GNG4: variants seen among roughly 807,000 people sequenced by gnomAD.
GNG4 encodes guanine nucleotide-binding protein G(I)/G(S)/G(O) subunit gamma-4.
Under a neutral mutation model 5.8 loss-of-function variants are expected in GNG4, and 4 were observed. The ratio of observed to expected loss-of-function variants is 0.69; its 90% CI spans 0.34 to 1.57. The LOEUF is 1.57. Ranked by LOEUF, GNG4 falls within the 40% of genes most tolerant of loss-of-function variation. The pLI is 0.06. For synonymous variants in GNG4, 29 were observed against 32.9 expected (o/e 0.88, Z 0.41); for missense variants, 96 against 95.1 (o/e 1.01, Z -0.04).
intron 1 of GNG4, among the ~76,000 whole-genome samples, chr1:235,631,305 T>G (rs1240122261): frequency 1.3e-5 from 2 of 152,230 alleles, no homozygotes; most frequent in Non-Finnish European, 2.9e-5. Context: ...CTGAACCTCT[T>G]GCAGTTTGGT....
At chr1:235,562,659 G>GAAAAAAAAAAAAAGAA (rs766199361) in intron 3 of GNG4, among the ~76,000 whole-genome samples, 1 of 51,304 alleles carries the variant, frequency 1.9e-5, no homozygotes, top group African/African-American at 7.7e-5. Flanking sequence ...AAAAAAAAAA[G>GAAAAAAAAAAAAAGAA]AAAAAAAAAA....
intron 1 of GNG4, among the ~76,000 whole-genome samples, chr1:235,628,747 C>T (rs746459608): frequency 1.8e-4 from 28 of 152,176 alleles, no homozygotes; most frequent in Non-Finnish European, 3.4e-4. Context: ...TCGCATCAGC[C>T]CTATTCACTT....
chr1:235,560,427 G>T (rs996891983), intron 3 of GNG4, among the ~76,000 whole-genome samples: 1 of 152,094 alleles, frequency 6.6e-6, no homozygotes, highest in African/African-American at 2.4e-5. Context: ...CTGCTGTGGG[G>T]TGACACTGCA....
intron 3 of GNG4, among the ~76,000 whole-genome samples, chr1:235,565,488 A>T (rs1439083130): frequency 6.6e-6 from 1 of 152,140 alleles, no homozygotes; most frequent in African/African-American, 2.4e-5. Context: ...TGGGCTTGTG[A>T]CAGAGTGAGA....
chr1:235,619,816 C>T (rs181475242), intron 1 of GNG4, among the ~76,000 whole-genome samples: 3 of 152,284 alleles, frequency 2.0e-5, no homozygotes, highest in Admixed American at 1.3e-4. Context: ...TAACTCACAT[C>T]GATGTATTAA....
intron 3 of GNG4, among the ~76,000 whole-genome samples, chr1:235,570,394 CT>C (rs11459490): frequency 3.4e-4 from 36 of 105,518 alleles, no homozygotes; most frequent in South Asian, 6.5e-4. Flanking sequence ...TTCACCTCTT[CT>C]TTTTTTTTTT....
chr1:235,608,687 A>ATTTTTTTT (rs58183552), intron 1 of GNG4, among the ~76,000 whole-genome samples: 1 of 143,410 alleles, frequency 7.0e-6, no homozygotes, highest in Non-Finnish European at 1.5e-5. Context: ...TTTATTTTTT[A>ATTTTTTTT]TTTTTTTTTT....
intron 3 of GNG4, among the ~76,000 whole-genome samples, chr1:235,569,418 A>T (rs1687280178): frequency 6.7e-6 from 1 of 150,220 alleles, no homozygotes; most frequent in Non-Finnish European, 1.5e-5. Context: ...AGATCACGAC[A>T]CTGCACTCCA....
chr1:235,625,361 G>A (rs1000142433), intron 1 of GNG4, among the ~76,000 whole-genome samples: 10 of 152,184 alleles, frequency 6.6e-5, no homozygotes, highest in Admixed American at 5.2e-4. Context: ...CCAAATAGGC[G>A]CAGCCTCCCC....
At chr1:235,582,291 A>C (rs1160701850) in intron 3 of GNG4, among the ~76,000 whole-genome samples, 1 of 152,148 alleles carries the variant, frequency 6.6e-6, no homozygotes, top group Admixed American at 6.5e-5. Context: ...ACCTGTGTGC[A>C]TGGCGCCCTC....
At chr1:235,570,919 T>TACATAC (rs1553365403) in intron 3 of GNG4, among the ~76,000 whole-genome samples, 4 of 121,448 alleles carry the variant, frequency 3.3e-5, no homozygotes, top group African/African-American at 1.4e-4. Context: ...TATACATATA[T>TACATAC]ATATACACAC....
Position 235,592,942 on chromosome 1 carries a change from G to A in GNG4, c.-11+2458C>T, listed in dbSNP as rs1204179074. On this transcript the variant is annotated intron_variant, in intron 2 of 3. Coordinates refer to ENST00000391854, the MANE Select transcript of GNG4 (RefSeq NM_001098722.2). The stretch of plus-strand genomic sequence containing the variant: ...GGGCAAGCAGACCCCGGTTTGCTCT[G>A]TAACATTTTTTTTTTTTTTTTTTGA... 2.3e-4 allele frequency among the ~76,000 whole-genome samples: 26 copies of A among 114,096 alleles called. No homozygotes were observed. In the East Asian group the frequency reaches 4.3e-3, roughly 19 times the overall value. 74.9% of individuals were successfully genotyped at this position (114,096 alleles called of 152,430 possible). A position where few individuals can be genotyped will look rare whatever the true frequency, so the allele number is the denominator to read the frequency against.
chr1:235,562,039 T>C (rs1387954512), intron 3 of GNG4, among the ~76,000 whole-genome samples: 1 of 152,230 alleles, frequency 6.6e-6, no homozygotes, highest in East Asian at 1.9e-4. Context: ...GTTCAGTTGT[T>C]CTTACAGTAT....
intron 3 of GNG4, among the ~76,000 whole-genome samples, chr1:235,582,044 C>T (rs556640450): frequency 2.1e-4 from 32 of 152,308 alleles, no homozygotes; most frequent in Non-Finnish European, 3.8e-4. Context: ...TGGATTCTAA[C>T]GTCTCTCTCC....
chr1:235,591,699 G>C (rs1687968255), intron 2 of GNG4, among the ~76,000 whole-genome samples: 1 of 152,178 alleles, frequency 6.6e-6, no homozygotes, highest in African/African-American at 2.4e-5. Flanking sequence ...ACGCACACTG[G>C]CTACCGGCAA....
At chr1:235,603,869 A>C (rs1000807304) in intron 1 of GNG4, among the ~76,000 whole-genome samples, 1 of 152,126 alleles carries the variant, frequency 6.6e-6, no homozygotes, top group African/African-American at 2.4e-5. Context: ...AAATTAGAGA[A>C]GGTTGGCAGA....
chr1:235,638,670 A>C (rs1355651337), intron 1 of GNG4, among the ~76,000 whole-genome samples: 3 of 151,546 alleles, frequency 2.0e-5, no homozygotes, highest in African/African-American at 7.3e-5. Flanking sequence ...CTCACCCCCC[A>C]ACAGGGCTCG....
chr1:235,629,600 CTT>C (rs569494929), intron 1 of GNG4, among the ~76,000 whole-genome samples: 14 of 139,062 alleles, frequency 1.0e-4, no homozygotes, highest in Admixed American at 2.1e-4. Flanking sequence ...TTCTTTCTTT[CTT>C]TTTTTTTTTT....
chr1:235,597,606 G>C (rs1242888494), intron 1 of GNG4, among the ~76,000 whole-genome samples: 2 of 107,048 alleles, frequency 1.9e-5, no homozygotes, highest in Non-Finnish European at 4.2e-5. Context: ...GTGTGTGTGT[G>C]TGTGTGTGTG....
Sources: allele counts gnomAD v4.1 joint callset (sites outside exome capture counted in the v4.1 genomes callset), GRCh38; gene constraint gnomAD v4.1.1; transcripts MANE v1.5; gene names NCBI Gene and HGNC (gene_info 2026-07-23, HGNC 2026-07-21).